MDGA1: variants seen among roughly 807,000 people sequenced by gnomAD.
The protein encoded by MDGA1 is MAM domain-containing glycosylphosphatidylinositol anchor protein 1.
MDGA1 carries 54 observed loss-of-function variants against 101.5 expected under a neutral mutation model. That is an observed-to-expected ratio of 0.53 (90% CI 0.43 to 0.67). MDGA1 has a LOEUF of 0.67. Among genes scored for constraint, MDGA1 ranks in the 30% least tolerant of loss-of-function variants. The pLI is 0.00. For synonymous variants in MDGA1, 533 were observed against 558.3 expected, an observed-to-expected ratio of 0.95 and a Z score of 0.64; for missense variants, 1,083 against 1,323.8, an observed-to-expected ratio of 0.82 and a Z score of 2.82.
At chr6:37,688,328 G>C (rs1430147449) in intron 1 of MDGA1, among the ~76,000 whole-genome samples, 1 of 152,214 alleles carries the variant, frequency 6.6e-6, no homozygotes, top group African/African-American at 2.4e-5. Context: ...AAGCTCTCCA[G>C]GTGGTTCTGA....
intron 1 of MDGA1, among the ~76,000 whole-genome samples, chr6:37,671,173 C>T (rs1031880126): frequency 1.1e-4 from 16 of 152,198 alleles, no homozygotes; most frequent in East Asian, 1.9e-4. Flanking sequence ...CCATCACAGA[C>T]GATTTTCACT....
intron 1 of MDGA1, among the ~76,000 whole-genome samples, chr6:37,684,694 G>A (rs1490592976): frequency 6.6e-6 from 1 of 152,212 alleles, no homozygotes; most frequent in African/African-American, 2.4e-5. Flanking sequence ...GCCACTGGCT[G>A]GCAGCTGAGC....
chr6:37,637,969 G>C, intron 16 of MDGA1: 1 of 585,058 alleles, frequency 1.7e-6, no homozygotes, highest in South Asian at 2.3e-5. Context: ...CTGATACCGT[G>C]AACAGGTCAG....
Position 37,638,229 on chromosome 6 carries a change from G to T in MDGA1, c.2752C>A (p.Arg918=), listed in dbSNP as rs369559260. ...CCTTTATTGGGATCCGTCTGCTTCC[G>T]GGGACACTCCCCCTTCTTCAGTGTG... ...DVTLKKGECP[R]KQTDPNKVVV... Residue 918 remains arginine, a synonymous_variant, in exon 16 of 17, where the codon CGG becomes AGG. Coordinates refer to ENST00000434837, the MANE Select transcript of MDGA1 (RefSeq NM_153487.4). The surrounding 1 kb of genome is among the most constrained non-coding windows in gnomAD (Gnocchi z 4.8). 1.4e-5 allele frequency: 22 copies of T among 1,613,036 alleles called. No homozygotes were observed. The highest frequency in any genetic ancestry group is 1.6e-4 in the Middle Eastern group (1 of 6,082).
chr6:37,672,502 C>T (rs914343043), intron 1 of MDGA1, among the ~76,000 whole-genome samples: 3 of 152,166 alleles, frequency 2.0e-5, no homozygotes, highest in Admixed American at 6.5e-5. Context: ...GCTTCTGGCT[C>T]CTTCAGGGAA....
At chr6:37,641,796 C>T (rs1474274900) in intron 14 of MDGA1, 1 of 152,170 alleles carries the variant, frequency 6.6e-6, no homozygotes, top group Non-Finnish European at 1.5e-5. Context: ...TGGTCATCCA[C>T]TCTCACCTAC....
rs556627153 is a variant in MDGA1, at chr6:37,645,771, C to T, written c.2248+162G>A. ...CCAGATATAAACATCTCCAGCCCAA[C>T]CCTGCTTCTCCTTCTAGCCTCTGGC... On this transcript the variant is annotated intron_variant, in intron 12 of 16. Transcript: ENST00000434837. 6.6e-5 allele frequency among the ~76,000 whole-genome samples: 10 copies of T among 152,296 alleles called. No individual in the cohort carries two copies. In the East Asian group the frequency reaches 1.7e-3, roughly 26 times the overall value.
intron 12 of MDGA1, 63 bp from the exon 13 acceptor site, chr6:37,644,712 G>GCC: frequency 7.1e-7 from 1 of 1,413,368 alleles, no homozygotes; most frequent in Non-Finnish European, 9.3e-7. Context: ...GCCCAGCCTC[G>GCC]CCCCTCTCAC....
chr6:37,659,502 A>C (rs953796608), intron 2 of MDGA1, among the ~76,000 whole-genome samples: 47 of 152,242 alleles, frequency 3.1e-4, no homozygotes, highest in African/African-American at 9.6e-4. Flanking sequence ...TCAAGGTGCC[A>C]GAGTTTTAAG....
At chr6:37,681,123 A>G (rs1762088241) in intron 1 of MDGA1, among the ~76,000 whole-genome samples, 1 of 152,172 alleles carries the variant, frequency 6.6e-6, no homozygotes, top group Non-Finnish European at 1.5e-5. Context: ...TTCCTGCCTG[A>G]GTAAATTGGA....
chr6:37,637,068 TC>T lies in MDGA1; in HGVS notation c.*299del. The T allele has an allele frequency of 3.4e-6, 1 of 291,824 alleles. No individual in the cohort carries two copies. The highest frequency in any genetic ancestry group is 8.2e-5 in the South Asian group (1 of 12,122). The allele number at this position is 291,824 out of a possible 1,614,324, so 18.1% of individuals were successfully genotyped here. ...GGTTGGCGGATGCCATTCAGGCAAGTCCCCTGTCTTTGCAGTAAAGAAGGTG... is the reference window on the plus strand; with the variant it reads ...GGTTGGCGGATGCCATTCAGGCAAGTCCCTGTCTTTGCAGTAAAGAAGGTG... On this transcript the variant is annotated 3_prime_UTR_variant, in exon 17 of 17. Coordinates refer to ENST00000434837, the MANE Select transcript of MDGA1 (RefSeq NM_153487.4).
intron 3 of MDGA1, among the ~76,000 whole-genome samples, chr6:37,657,939 G>GCTC (rs1324439244): frequency 6.6e-6 from 1 of 152,168 alleles, no homozygotes; most frequent in East Asian, 1.9e-4. Context: ...AGGCTACCCC[G>GCTC]CTCCATGCCT....
chr6:37,649,923 A>G (rs1478222621), intron 8 of MDGA1, 186 bp downstream of exon 8: 1 of 748,568 alleles, frequency 1.3e-6, no homozygotes, highest in African/African-American at 1.7e-5. Context: ...ATACTTGATG[A>G]AATGGAGCAA....
chr6:37,683,968 A>G (rs531952374), intron 1 of MDGA1, among the ~76,000 whole-genome samples: 113 of 152,292 alleles, frequency 7.4e-4, no homozygotes, highest in Non-Finnish European at 1.2e-3. Flanking sequence ...CAGAGTCCAC[A>G]TATTGCCTAA....
intron 2 of MDGA1, among the ~76,000 whole-genome samples, chr6:37,658,893 C>T (rs964822683): frequency 2.0e-5 from 3 of 150,260 alleles, no homozygotes; most frequent in Admixed American, 6.7e-5. Flanking sequence ...ATAGCTTGAA[C>T]CCGGGAGGCG....
intron 14 of MDGA1, among the ~76,000 whole-genome samples, chr6:37,641,182 C>T (rs1039334650): frequency 1.3e-5 from 2 of 152,202 alleles, no homozygotes; most frequent in Admixed American, 1.3e-4. Context: ...CTCATTTCAT[C>T]CCAGGCAGGT....
chr6:37,657,982 A>C (rs981073712), intron 3 of MDGA1, among the ~76,000 whole-genome samples: 15 of 152,222 alleles, frequency 9.9e-5, no homozygotes, highest in African/African-American at 3.6e-4. Context: ...CAGTTTTCTC[A>C]TCTGCAGAAG....
At chr6:37,664,636 G>C (rs1041889220) in intron 1 of MDGA1, among the ~76,000 whole-genome samples, 10 of 21,948 alleles carry the variant, frequency 4.6e-4, no homozygotes, top group African/African-American at 9.6e-4. Flanking sequence ...CACACACACA[G>C]AGGTGGGGTG....
In MDGA1 at chr6:37,635,059, C is replaced by A. The variant is rs1763895069; in HGVS notation, c.*2309G>T. 6.2e-6 allele frequency: 1 copy of A among 160,732 alleles called. No homozygotes were observed. Among genetic ancestry groups the A allele is most frequent in the South Asian group, 2.0e-4 (1 of 4,892 alleles). The allele number at this position is 160,732 out of a possible 1,614,324, so 10.0% of individuals were successfully genotyped here. ...CCCCAGCGAGGGCACAGAGGAAGCA[C>A]CCAGGTGGTGCCAGGCCAGTGGTTC... is the stretch of plus-strand genomic sequence containing the variant. On this transcript the variant is annotated 3_prime_UTR_variant, in exon 17 of 17. Coordinates refer to ENST00000434837, the MANE Select transcript of MDGA1 (RefSeq NM_153487.4).
Sources: allele counts gnomAD v4.1 joint callset (sites outside exome capture counted in the v4.1 genomes callset), GRCh38; gene constraint gnomAD v4.1.1; non-coding constraint Gnocchi (gnomAD v3.1); transcripts MANE v1.5; gene names NCBI Gene and HGNC (gene_info 2026-07-23, HGNC 2026-07-21).